PPP1R1C: variants seen among roughly 807,000 people sequenced by gnomAD.
PPP1R1C encodes protein phosphatase 1 regulatory subunit 1C.
In PPP1R1C, 15 loss-of-function variants were observed where a neutral mutation model predicts 17.4. The observed-to-expected ratio is 0.86, with a 90% confidence interval of 0.58 to 1.33. The LOEUF (loss-of-function observed/expected upper bound fraction) is 1.33. Ranked by LOEUF, PPP1R1C falls within the 40% of genes most tolerant of loss-of-function variation. The pLI, the probability that PPP1R1C is intolerant of heterozygous loss-of-function variation, is 0.00. For synonymous variants in PPP1R1C, 35 were observed against 43.1 expected (o/e 0.81, Z 0.73); for missense variants, 143 against 130.0 (o/e 1.10, Z -0.48).
At chr2:182,004,245 C>T (rs1160050778) in intron 2 of PPP1R1C, among the ~76,000 whole-genome samples, 1 of 152,160 alleles carries the variant, frequency 6.6e-6, no homozygotes, top group Non-Finnish European at 1.5e-5. Flanking sequence ...TTTAACTTTA[C>T]AATTATGAAA....
intron 2 of PPP1R1C, among the ~76,000 whole-genome samples, chr2:182,037,270 AAAG>A (rs1687039955): frequency 6.6e-6 from 1 of 152,248 alleles, no homozygotes; most frequent in Admixed American, 6.5e-5. Flanking sequence ...AAATATTGTT[AAAG>A]AAGACTTGAA....
intron 4 of PPP1R1C, among the ~76,000 whole-genome samples, chr2:182,081,569 G>A (rs1230656704): frequency 6.6e-6 from 1 of 152,122 alleles, no homozygotes; most frequent in African/African-American, 2.4e-5. Context: ...TCAGATAAAA[G>A]TGATCATTTA....
chr2:181,957,258 G>A lies in PPP1R1C; in HGVS notation n.111+2624G>A, dbSNP rs892946889. Among the ~76,000 whole-genome samples, 1 of 152,200 alleles carries A rather than the reference G, an allele frequency of 6.6e-6. No homozygotes were observed. Among genetic ancestry groups the A allele is most frequent in the Non-Finnish European group, 1.5e-5 (1 of 68,038 alleles). On this transcript the variant is annotated intron_variant and non_coding_transcript_variant, in intron 1 of 5. Coordinates refer to the PPP1R1C transcript ENST00000464264. This position sits in a 1 kb window ranked among gnomAD's most constrained non-coding sequence, Gnocchi z 4.2. ...CCCTGTAATCCCAGCTATTCAGGAG[G>A]CTGAGGCAGAATTGCTTGAACCCGG... is the stretch of plus-strand genomic sequence containing the variant.
intron 4 of PPP1R1C, among the ~76,000 whole-genome samples, chr2:182,093,277 A>T (rs1468647302): frequency 1.3e-5 from 2 of 152,178 alleles, no homozygotes; most frequent in Admixed American, 1.3e-4. Context: ...CAGCTGGAGT[A>T]GCTGGGACCC....
At chr2:182,033,225 CACAA>C (rs1208574327) in intron 2 of PPP1R1C, among the ~76,000 whole-genome samples, 2 of 152,158 alleles carry the variant, frequency 1.3e-5, no homozygotes, top group African/African-American at 2.4e-5. Flanking sequence ...TTTCCTACCA[CACAA>C]ACAATGATCT....
chr2:182,023,696 C>T (rs1409598745), intron 2 of PPP1R1C: 2 of 152,152 alleles, frequency 1.3e-5, no homozygotes, highest in Non-Finnish European at 2.9e-5. Flanking sequence ...CCATAACTCA[C>T]TGCAGCCTTG....
intron 4 of PPP1R1C, among the ~76,000 whole-genome samples, chr2:182,077,469 T>C (rs1387158342): frequency 6.6e-6 from 1 of 152,198 alleles, no homozygotes; most frequent in Non-Finnish European, 1.5e-5. Context: ...ATGTTTTACT[T>C]ATAAGGCCAA....
intron 4 of PPP1R1C, among the ~76,000 whole-genome samples, chr2:182,082,862 G>C (rs1218156392): frequency 6.6e-6 from 1 of 152,080 alleles, no homozygotes. Context: ...GAGCAAAAAG[G>C]TACCTGTTGG....
At chr2:181,982,778 G>A (rs1385353625), upstream of PPP1R1C, among the ~76,000 whole-genome samples, 1 of 152,106 alleles carries the variant, frequency 6.6e-6, no homozygotes, top group East Asian at 1.9e-4. Flanking sequence ...GCAAAGTAGG[G>A]CAAGATAGAT....
intron 2 of PPP1R1C, among the ~76,000 whole-genome samples, chr2:182,044,450 C>T (rs1473836734): frequency 6.6e-6 from 1 of 152,196 alleles, no homozygotes; most frequent in Non-Finnish European, 1.5e-5. Flanking sequence ...GAGATTCCCA[C>T]AAGCTGTTTC....
Position 182,082,953 on chromosome 2 carries a change from A to G in PPP1R1C, c.241+19162A>G, listed in dbSNP as rs11901012. ...GGTGGGATAGAATCAACACAGCCCAACTGGAATACAGATATTTGGGAACAC... is the reference window on the plus strand; with the variant it reads ...GGTGGGATAGAATCAACACAGCCCAGCTGGAATACAGATATTTGGGAACAC... On this transcript the variant is annotated intron_variant, in intron 4 of 4. Coordinates refer to ENST00000682840, the MANE Select transcript of PPP1R1C (RefSeq NM_001080545.3). Among the ~76,000 whole-genome samples, 1,344 of 152,228 alleles carry G rather than the reference A, an allele frequency of 8.8e-3. 13 individuals are homozygous for G. Among genetic ancestry groups the G allele is most frequent in the African/African-American group, 0.031 (1,267 of 41,540 alleles).
intron 2 of PPP1R1C, among the ~76,000 whole-genome samples, chr2:182,057,421 T>C (rs1282671525): frequency 6.6e-6 from 1 of 152,082 alleles, no homozygotes; most frequent in Non-Finnish European, 1.5e-5. Flanking sequence ...TGAGGGATAG[T>C]AGTATTTGGT....
At chr2:182,057,837 C>T (rs540295314) in intron 2 of PPP1R1C, among the ~76,000 whole-genome samples, 27 of 152,094 alleles carry the variant, frequency 1.8e-4, no homozygotes, top group African/African-American at 2.4e-4. Context: ...TCAAAATACA[C>T]GCAGAATTCT....
chr2:182,011,151 C>T (rs887311817), intron 2 of PPP1R1C, among the ~76,000 whole-genome samples: 1 of 151,966 alleles, frequency 6.6e-6, no homozygotes, highest in Non-Finnish European at 1.5e-5. Context: ...AGTTTGGAAG[C>T]ATTCCCTTCT....
In PPP1R1C at chr2:181,961,645, G is replaced by GTGC. The variant is rs1684796490; in HGVS notation, n.111+7013_111+7015dup. 1 of 749,674 alleles carries GTGC rather than the reference G, an allele frequency of 1.3e-6. No homozygotes were observed. The highest frequency in any genetic ancestry group is 1.7e-5 in the African/African-American group (1 of 58,826). 46.4% of individuals were successfully genotyped at this position (749,674 alleles called of 1,614,324 possible). On this transcript the variant is annotated intron_variant and non_coding_transcript_variant, in intron 1 of 5. Coordinates refer to the PPP1R1C transcript ENST00000464264. The surrounding 1 kb of genome is among the most constrained non-coding windows in gnomAD (Gnocchi z 5.8). ...GGTGGACTGCGTAGTGACCACTGTG[G>GTGC]TGCTCTTCTCAATCTGCTGAGACCA...
intron 2 of PPP1R1C, among the ~76,000 whole-genome samples, chr2:182,021,275 T>C (rs1183274835): frequency 1.3e-5 from 2 of 151,700 alleles, no homozygotes; most frequent in Admixed American, 6.6e-5. Flanking sequence ...AAGCTATTCA[T>C]ATGGCCCAAG....
chr2:182,070,559 A>G (rs2125204298), intron 4 of PPP1R1C, among the ~76,000 whole-genome samples: 1 of 152,298 alleles, frequency 6.6e-6, no homozygotes, highest in South Asian at 2.1e-4. Context: ...ACAGGTTTGG[A>G]TTTGTAGAAA....
At chr2:182,055,270 CCTCT>C (rs1303876607) in intron 2 of PPP1R1C, among the ~76,000 whole-genome samples, 1 of 151,986 alleles carries the variant, frequency 6.6e-6, no homozygotes, top group African/African-American at 2.4e-5. Flanking sequence ...TCTTTACTTC[CCTCT>C]AAGTCTCTTT....
upstream of PPP1R1C, among the ~76,000 whole-genome samples, chr2:181,984,498 A>G (rs187786618): frequency 6.6e-6 from 1 of 152,328 alleles, no homozygotes; most frequent in East Asian, 1.9e-4. Flanking sequence ...GTAATTTATA[A>G]ATTTCCCTTC....
Sources: gnomAD v4.1 joint callset for allele counts (sites outside exome capture counted in the v4.1 genomes callset) on GRCh38, gnomAD v4.1.1 for gene constraint, Gnocchi (gnomAD v3.1) non-coding constraint, MANE v1.5 for transcripts, NCBI Gene and HGNC (gene_info 2026-07-23, HGNC 2026-07-21) for gene names.